The following CAMSAP1 variants were observed in gnomAD, a reference collection of about 807,000 sequenced individuals.
CAMSAP1 encodes calmodulin-regulated spectrin-associated protein 1.
A neutral mutation model predicts 143.5 loss-of-function variants in CAMSAP1; 58 were observed. That is an observed-to-expected ratio of 0.40 (90% confidence interval 0.33 to 0.50). The LOEUF is 0.50. Among genes scored for constraint, CAMSAP1 ranks in the 20% least tolerant of loss-of-function variants. CAMSAP1 has a pLI of 0.45. For missense variants in CAMSAP1, 1,969 were observed against 2,115.7 expected (o/e 0.93, Z 1.36); for synonymous variants, 945 against 859.3 (o/e 1.10, Z -1.74).
intron 1 of CAMSAP1, among the ~76,000 whole-genome samples, chr9:135,903,311 T>G: frequency 6.6e-6 from 1 of 152,210 alleles, no homozygotes; most frequent in East Asian, 1.9e-4. Flanking sequence ...GCGGACAATT[T>G]TCAACATGTC....
At chr9:135,823,812 T>C (rs1835574510) in intron 10 of CAMSAP1, 138 bp downstream of exon 10, 1 of 677,996 alleles carries the variant, frequency 1.5e-6, no homozygotes. Context: ...CTAGTGTTGT[T>C]ATAAAAATAA....
At chr9:135,852,966 C>T (rs747341245) in intron 5 of CAMSAP1, among the ~76,000 whole-genome samples, 8 of 152,192 alleles carry the variant, frequency 5.3e-5, no homozygotes, top group Non-Finnish European at 1.0e-4. Flanking sequence ...GCCATCCACA[C>T]GTGGAGAGAC....
In CAMSAP1 at chr9:135,826,777, A is replaced by G. The variant is rs1406991988; in HGVS notation, c.1223+630T>C. ...GGGTCCTCCTACCACACACAGCACA[A>G]AGCTCACTCTTACTCCAAGGGAAGC... On this transcript the variant is annotated intron_variant, in intron 8 of 16. Transcript: ENST00000389532. This position sits in a 1 kb window ranked among gnomAD's most constrained non-coding sequence, Gnocchi z 4.4. 6.6e-6 allele frequency among the ~76,000 whole-genome samples: 1 copy of G among 152,098 alleles called. No individual in the cohort carries two copies. The highest frequency in any genetic ancestry group is 1.5e-5 in the Non-Finnish European group (1 of 68,004).
intron 1 of CAMSAP1, among the ~76,000 whole-genome samples, chr9:135,900,320 A>AC (rs1588514058): frequency 6.6e-6 from 1 of 151,332 alleles, no homozygotes; most frequent in African/African-American, 2.4e-5. Context: ...ACCACACTCC[A>AC]CCCCCAGATA....
At chr9:135,841,495 C>T (rs1288238862) in intron 7 of CAMSAP1, among the ~76,000 whole-genome samples, 1 of 152,234 alleles carries the variant, frequency 6.6e-6, no homozygotes, top group African/African-American at 2.4e-5. Flanking sequence ...AGCGCTCAAG[C>T]TCTGCTAAGG....
rs540297866 is a variant in CAMSAP1, at chr9:135,837,983, A to G, written c.1046-10399T>C. On this transcript the variant is annotated intron_variant, in intron 7 of 16. Transcript: ENST00000389532. ...ACCCCTTCTACAGACACACATCATCACACGCTTTCTACCCCTTCTACAGAC... is the reference window on the plus strand; with the variant it reads ...ACCCCTTCTACAGACACACATCATCGCACGCTTTCTACCCCTTCTACAGAC... Among the ~76,000 whole-genome samples, 104 of 144,526 alleles carry G rather than the reference A, an allele frequency of 7.2e-4. 1 individual carries two copies. The highest frequency in any genetic ancestry group is 2.1e-3 in the African/African-American group (80 of 38,304). 94.8% of individuals were successfully genotyped at this position (144,526 alleles called of 152,430 possible).
At chr9:135,823,878 G>T in intron 10 of CAMSAP1, 72 bp downstream of exon 10, 1 of 1,199,848 alleles carries the variant, frequency 8.3e-7, no homozygotes, top group Non-Finnish European at 1.2e-6. Context: ...GGGGGTTGGG[G>T]TGACATCTTA....
At chr9:135,883,913 CCACA>C (rs983410760) in intron 1 of CAMSAP1, among the ~76,000 whole-genome samples, 1 of 152,166 alleles carries the variant, frequency 6.6e-6, no homozygotes, top group Non-Finnish European at 1.5e-5. Context: ...ACGCCGCCTC[CCACA>C]CAAACAGCGC....
At chr9:135,842,624 C>T (rs1268110086) in intron 7 of CAMSAP1, among the ~76,000 whole-genome samples, 3 of 152,178 alleles carry the variant, frequency 2.0e-5, no homozygotes, top group Non-Finnish European at 1.5e-5. Context: ...GGAAGCCCAT[C>T]AAACTAACAG....
chr9:135,850,586 G>T, intron 5 of CAMSAP1, 125 bp from the exon 6 acceptor site: 1 of 742,530 alleles, frequency 1.3e-6, no homozygotes, highest in Non-Finnish European at 2.1e-6. Flanking sequence ...ATTGAGAGAT[G>T]TAGGGAGTAT....
At chr9:135,815,839 A>G in intron 15 of CAMSAP1, 51 bp downstream of exon 15, 1 of 1,422,938 alleles carries the variant, frequency 7.0e-7, no homozygotes, top group South Asian at 1.2e-5. Context: ...AGCCACGCAA[A>G]GGCGTATGGC....
chr9:135,817,704 C>G, intron 14 of CAMSAP1: 1 of 383,244 alleles, frequency 2.6e-6, no homozygotes, highest in Non-Finnish European at 4.8e-6. Context: ...TGGACTCCAA[C>G]GGACTCAAAA....
At chr9:135,830,333 G>A (rs1418078538) in intron 7 of CAMSAP1, among the ~76,000 whole-genome samples, 1 of 152,222 alleles carries the variant, frequency 6.6e-6, no homozygotes, top group Non-Finnish European at 1.5e-5. Flanking sequence ...ACTTTTGAGT[G>A]AAGAACACAC....
At chr9:135,890,950 C>CA (rs1478671368) in intron 1 of CAMSAP1, among the ~76,000 whole-genome samples, 4 of 152,200 alleles carry the variant, frequency 2.6e-5, no homozygotes, top group African/African-American at 9.7e-5. Flanking sequence ...GGACAAAAGA[C>CA]AAACACCTAC....
At chr9:135,906,931 ACCCCGGCCGCGTCCCCCGG>A (rs1296054149) in intron 1 of CAMSAP1, 50 bp downstream of exon 1, 1 of 861,448 alleles carries the variant, frequency 1.2e-6, no homozygotes, top group Non-Finnish European at 1.4e-6. Flanking sequence ...ACCCGGCCGG[ACCCCGGCCGCGTCCCCCGG>A]CCCCGGCCCG....
At chr9:135,817,618 G>A (rs904800880) in intron 14 of CAMSAP1, among the ~76,000 whole-genome samples, 3 of 152,020 alleles carry the variant, frequency 2.0e-5, no homozygotes, top group South Asian at 2.1e-4. Context: ...AGGCTGGTCT[G>A]GAACTCCAAG....
chr9:135,865,838 G>A (rs990823190), intron 4 of CAMSAP1, among the ~76,000 whole-genome samples: 1 of 152,220 alleles, frequency 6.6e-6, no homozygotes, highest in Non-Finnish European at 1.5e-5. Flanking sequence ...AAGGAACAGG[G>A]GAAGGCAGCA....
chr9:135,881,822 C>T (rs1046851596), intron 2 of CAMSAP1, 28 bp from the exon 3 acceptor site: 30 of 1,549,626 alleles, frequency 1.9e-5, no homozygotes, highest in Non-Finnish European at 2.6e-5. Context: ...AGCTATAATC[C>T]CTCAAACCCA....
In CAMSAP1 at chr9:135,824,658, C is replaced by T. The variant is rs943446435; in HGVS notation, c.1315+131G>A. 2.8e-6 allele frequency: 2 copies of T among 706,314 alleles called. No individual in the cohort carries two copies. The highest frequency in any genetic ancestry group is 1.8e-5 in the African/African-American group (1 of 54,612). 43.8% of individuals were successfully genotyped at this position (706,314 alleles called of 1,614,324 possible). ...TCAGCCTGGTGACAGAGCAAGACTC[C>T]ATCTCAAAAAACAAACAAACAAACA... On this transcript the variant is annotated intron_variant, in intron 9 of 16. Transcript: ENST00000389532. The surrounding 1 kb of genome is among the most constrained non-coding windows in gnomAD (Gnocchi z 4.1).
Sources: allele counts gnomAD v4.1 joint callset (sites outside exome capture counted in the v4.1 genomes callset), GRCh38; gene constraint gnomAD v4.1.1; non-coding constraint Gnocchi (gnomAD v3.1); transcripts MANE v1.5; gene names NCBI Gene and HGNC (gene_info 2026-07-23, HGNC 2026-07-21).